Variants in KIF1A observed in about 807,000 individuals in gnomAD.
The protein encoded by KIF1A is kinesin-like protein KIF1A.
A neutral mutation model predicts 227.3 loss-of-function variants in KIF1A; 46 were observed. The ratio of observed to expected loss-of-function variants is 0.20; its 90% confidence interval spans 0.16 to 0.26. The LOEUF is 0.26. Ranked by LOEUF, KIF1A falls within the 10% of genes least tolerant of loss-of-function variation. KIF1A has a pLI of 1.00. For missense variants in KIF1A, 1,683 were observed against 2,485.9 expected (o/e 0.68, Z 6.87); for synonymous variants, 1,022 against 1,012.8 (o/e 1.01, Z -0.17).
chr2:240,807,078 A>ATGTGTGTGTGTGTGTGTG, intron 1 of KIF1A, among the ~76,000 whole-genome samples: 1 of 95,250 alleles, frequency 1.0e-5, no homozygotes, highest in Non-Finnish European at 1.9e-5. Context: ...CCTCATATAT[A>ATGTGTGTGTGTGTGTGTG]TGTGTGTGTG....
In KIF1A at chr2:240,758,257, T is replaced by C; in HGVS notation, c.2582+103A>G. The C allele has an allele frequency of 7.4e-7, 1 of 1,346,282 alleles. No homozygotes were observed. Among genetic ancestry groups the C allele is most frequent in the Non-Finnish European group, 1.0e-6 (1 of 1,002,424 alleles). The allele number at this position is 1,346,282 out of a possible 1,614,324, so 83.4% of individuals were successfully genotyped here. A position where few individuals can be genotyped will look rare whatever the true frequency, so the allele number is the denominator to read the frequency against. Reference sequence around the variant, plus strand: ...GGGAATATGGGGCTGGAAAAGCACTTGTCAGGGCCGCTCCTTGTATCAGGC... The same window carrying C: ...GGGAATATGGGGCTGGAAAAGCACTCGTCAGGGCCGCTCCTTGTATCAGGC... On this transcript the variant is annotated intron_variant, in intron 26 of 48. Transcript: ENST00000498729. This position sits in a 1 kb window ranked among gnomAD's most constrained non-coding sequence, Gnocchi z 5.2.
At chr2:240,745,308 T>C (rs957215753) in intron 32 of KIF1A, 119 bp downstream of exon 32, 2 of 815,044 alleles carry the variant, frequency 2.5e-6, no homozygotes, top group African/African-American at 1.7e-5. Flanking sequence ...GAGTTCCCGG[T>C]GCACAAGGCA....
chr2:240,769,652 G>A lies in KIF1A; in HGVS notation c.1396C>T (p.Arg466Trp), dbSNP rs1283675580. Reference sequence around the variant, plus strand: ...CTCTCCATCCGGATGGCTTCTGTCCGCCGCAGCTTCTCCTCCCAGGTCTCA... The same window carrying A: ...CTCTCCATCCGGATGGCTTCTGTCCACCGCAGCTTCTCCTCCCAGGTCTCA... ...LNETWEEKLR[R>W]TEAIRMEREA... The change falls in exon 16 of 49, where the codon CGG becomes TGG. Residue 466 changes from arginine (R) to tryptophan (W), a missense_variant. This residue lies in a region of KIF1A where 217 missense variants were observed against 427.0 expected (regional missense o/e 0.51). Transcript: ENST00000498729. The A allele has an allele frequency of 7.4e-6, 12 of 1,613,354 alleles. No homozygotes were observed. Among genetic ancestry groups the A allele is most frequent in the Non-Finnish European group, 8.5e-6 (10 of 1,179,706 alleles).
At chr2:240,807,026 C>A (rs145733854) in intron 1 of KIF1A, among the ~76,000 whole-genome samples, 120 of 151,094 alleles carry the variant, frequency 7.9e-4, no homozygotes, top group Non-Finnish European at 1.3e-3. Context: ...TGCTCAAGTC[C>A]CTCATATGAG....
intron 15 of KIF1A, 77 bp from the exon 16 acceptor site, chr2:240,769,783 G>A (rs2051704596): frequency 8.2e-7 from 1 of 1,217,104 alleles, no homozygotes; most frequent in South Asian, 1.3e-5. Flanking sequence ...CGGGTGCCAG[G>A]AGAAGGAGCT....
intron 10 of KIF1A, chr2:240,781,881 T>C: frequency 2.0e-6 from 2 of 985,380 alleles, no homozygotes; most frequent in Non-Finnish European, 2.4e-6. Context: ...CACGTGTTCT[T>C]AGTCTCTTGG....
chr2:240,780,820 ACACACAGCTC>A (rs1559522503), intron 10 of KIF1A, among the ~76,000 whole-genome samples: 11 of 104,720 alleles, frequency 1.1e-4, no homozygotes, highest in African/African-American at 3.7e-4. Context: ...ACACACACAC[ACACACAGCTC>A]CACACACACA....
intron 10 of KIF1A, among the ~76,000 whole-genome samples, chr2:240,777,028 GT>G (rs910404755): frequency 1.3e-5 from 2 of 152,136 alleles, no homozygotes; most frequent in African/African-American, 2.4e-5. Flanking sequence ...TCTATTTCTA[GT>G]TTTTCTTTTG....
intron 1 of KIF1A, among the ~76,000 whole-genome samples, chr2:240,817,598 G>T (rs1326728212): frequency 1.3e-5 from 2 of 152,220 alleles, no homozygotes; most frequent in Non-Finnish European, 2.9e-5. Flanking sequence ...GCAGGGCTCA[G>T]TAAATCCCAA....
intron 10 of KIF1A, among the ~76,000 whole-genome samples, chr2:240,777,911 C>T (rs946562755): frequency 6.6e-6 from 1 of 152,332 alleles, no homozygotes; most frequent in Admixed American, 6.5e-5. Flanking sequence ...CCCTCCCAGT[C>T]CCTCACACAG....
intron 1 of KIF1A, among the ~76,000 whole-genome samples, chr2:240,800,805 C>T (rs927398919): frequency 4.6e-5 from 7 of 152,174 alleles, no homozygotes; most frequent in Non-Finnish European, 1.0e-4. Flanking sequence ...CAGGGTCCTC[C>T]GGGAGGAGAA....
chr2:240,717,027 A>C lies in KIF1A; in HGVS notation c.*337T>G. 1 of 310,506 alleles carries C rather than the reference A, an allele frequency of 3.2e-6. No individual in the cohort carries two copies. Among genetic ancestry groups the C allele is most frequent in the Non-Finnish European group, 5.9e-6 (1 of 169,030 alleles). The allele number at this position is 310,506 out of a possible 1,614,324, so 19.2% of individuals were successfully genotyped here. A position where few individuals can be genotyped will look rare whatever the true frequency, so the allele number is the denominator to read the frequency against. ...TTTCCGAGTTGACTGTTTCAATGTC[A>C]CTAACTAACGTATATTAATTATAAG... On this transcript the variant is annotated 3_prime_UTR_variant, in exon 49 of 49. Transcript: ENST00000498729.
rs536383751 is a variant in KIF1A, at chr2:240,751,360, CT to C, written c.2859-814del. Among the ~76,000 whole-genome samples the C allele has an allele frequency of 8.5e-5, 13 of 152,312 alleles. No individual in the cohort carries two copies. The South Asian group carries it at 2.7e-3, about 32-fold the overall frequency. On this transcript the variant is annotated intron_variant, in intron 27 of 48. Transcript: ENST00000498729. ...CAGGTGTGGCTCTGAGCACCATGACCTCCAGCATGGGAAAGGGCCGTGCCTG... is the reference window on the plus strand; with the variant it reads ...CAGGTGTGGCTCTGAGCACCATGACCCCAGCATGGGAAAGGGCCGTGCCTG...
intron 25 of KIF1A, 111 bp downstream of exon 25, chr2:240,760,554 G>T: frequency 1.4e-6 from 1 of 717,100 alleles, no homozygotes. Context: ...AGGAGGAACA[G>T]CGGTGTCTGC....
Position 240,726,219 on chromosome 2 carries a change from C to T in KIF1A, c.4122+607G>A, listed in dbSNP as rs774277959. ...GGAACACTTCTGTTTTTGTGCTGCCCGGAATGCAGACACAATGTCTGGTGG... is the reference window on the plus strand; with the variant it reads ...GGAACACTTCTGTTTTTGTGCTGCCTGGAATGCAGACACAATGTCTGGTGG... On this transcript the variant is annotated intron_variant, in intron 39 of 48. Transcript: ENST00000498729. The surrounding 1 kb of genome is among the most constrained non-coding windows in gnomAD (Gnocchi z 5.2). Among the ~76,000 whole-genome samples, 25 of 152,182 alleles carry T rather than the reference C, an allele frequency of 1.6e-4. No homozygotes were observed. The highest frequency in any genetic ancestry group is 4.3e-4 in the African/African-American group (18 of 41,422).
At chr2:240,783,859 G>GCCCC in intron 7 of KIF1A, 43 bp from the exon 8 acceptor site, 1 of 1,447,494 alleles carries the variant, frequency 6.9e-7, no homozygotes, top group Non-Finnish European at 9.5e-7. Context: ...GCCACAAGAT[G>GCCCC]CGCGGGGGCA....
chr2:240,744,258 CTG>C (rs2125779634), intron 32 of KIF1A, among the ~76,000 whole-genome samples, 198 bp from the exon 33 acceptor site: 1 of 152,322 alleles, frequency 6.6e-6, no homozygotes, highest in African/African-American at 2.4e-5. Flanking sequence ...CAGACAGACT[CTG>C]GAGTGTGTCC....
chr2:240,765,592 G>A (rs1037085074), intron 20 of KIF1A, 118 bp downstream of exon 20: 6 of 770,654 alleles, frequency 7.8e-6, no homozygotes, highest in Admixed American at 2.5e-5. Context: ...CCTGCCCAGC[G>A]GCCCTTAAGA....
chr2:240,785,455 C>T (rs1242026584), intron 6 of KIF1A, among the ~76,000 whole-genome samples: 1 of 152,242 alleles, frequency 6.6e-6, no homozygotes, highest in Non-Finnish European at 1.5e-5. Flanking sequence ...TGTCCACTGT[C>T]CACCCTACCA....
Sources: allele counts gnomAD v4.1 joint callset (sites outside exome capture counted in the v4.1 genomes callset), GRCh38; gene constraint gnomAD v4.1.1; regional missense constraint gnomAD v4.1.1; non-coding constraint Gnocchi (gnomAD v3.1); transcripts MANE v1.5; gene names NCBI Gene and HGNC (gene_info 2026-07-23, HGNC 2026-07-21).